Variants in METRNL observed in about 807,000 individuals in gnomAD.
METRNL encodes the protein meteorin like, glial cell differentiation regulator, also known as meteorin-like protein.
A neutral mutation model predicts 17.4 loss-of-function variants in METRNL; 9 were observed. The ratio of observed to expected loss-of-function variants is 0.52; its 90% CI spans 0.31 to 0.90. METRNL has a LOEUF of 0.90. Among genes scored for constraint, METRNL ranks in the 40% least tolerant of loss-of-function variants. The pLI is 0.05. For synonymous variants in METRNL, 215 were observed against 199.3 expected, an observed-to-expected ratio of 1.08 and a Z score of -0.66; for missense variants, 408 against 430.7, an observed-to-expected ratio of 0.95 and a Z score of 0.47.
intron 2 of METRNL, 26 bp from the exon 3 acceptor site, chr17:83,093,141 T>C: frequency 1.2e-6 from 2 of 1,603,430 alleles, no homozygotes; most frequent in Admixed American, 1.7e-5. Flanking sequence ...TCCAGGCTGC[T>C]TCCTGACTCT....
At position 83,089,779 on chromosome 17, in the gene METRNL, C is replaced by T. The variant is rs190802201; in HGVS notation, c.557-3388C>T. Among the ~76,000 whole-genome samples, 271 of 152,292 alleles carry T rather than the reference C, an allele frequency of 1.8e-3. 2 individuals are homozygous for T. The highest frequency in any genetic ancestry group is 7.2e-4 in the Non-Finnish European group (49 of 68,020). On this transcript the variant is annotated intron_variant, in intron 2 of 3. Coordinates refer to ENST00000320095, the MANE Select transcript of METRNL (RefSeq NM_001004431.3). ...CCACCGGCGTCCACCCTGCATTCTC[C>T]GTGAAGGTGACTTCTGCTTTGTAAA... is the stretch of plus-strand genomic sequence containing the variant.
intron 1 of METRNL, chr17:83,082,046 C>A: frequency 1.0e-6 from 1 of 984,490 alleles, no homozygotes; most frequent in Non-Finnish European, 1.2e-6. Flanking sequence ...TCGACGGCCT[C>A]TGTTGCTGGG....
intron 2 of METRNL, among the ~76,000 whole-genome samples, chr17:83,091,676 G>A (rs928309637): frequency 5.9e-5 from 9 of 152,236 alleles, no homozygotes; most frequent in African/African-American, 1.4e-4. Flanking sequence ...AAGGGCAGCC[G>A]GCCAGGGGTG....
chr17:83,089,062 A>C (rs1172617192), intron 2 of METRNL, among the ~76,000 whole-genome samples: 1 of 137,136 alleles, frequency 7.3e-6, no homozygotes, highest in Admixed American at 7.9e-5. Flanking sequence ...AAAGGGAGGC[A>C]GGGGGAAGGG....
intron 1 of METRNL, among the ~76,000 whole-genome samples, chr17:83,081,196 CCGGGAA>C (rs1233207473): frequency 6.6e-6 from 1 of 151,846 alleles, no homozygotes; most frequent in Non-Finnish European, 1.5e-5. Flanking sequence ...GGGGGGTCGG[CCGGGAA>C]CGCCGGCGCC....
chr17:83,085,192 A>G lies in METRNL; in HGVS notation c.425A>G (p.Gln142Arg), dbSNP rs75438321. ...GGGGACGGCAGGCCCGGCCGGGTGC[A>G]GTGTTTTGGCCTGGAGCAGGGCGGC... ...PDGDGRPGRVQCFGLEQGGLF... is the reference protein window; with the variant it reads ...PDGDGRPGRVRCFGLEQGGLF... The change falls in exon 2 of 4, where the codon CAG (glutamine) becomes CGG (arginine). Residue 142 changes from glutamine to arginine, a missense_variant. Coordinates refer to ENST00000320095, the MANE Select transcript of METRNL (RefSeq NM_001004431.3). The G allele has an allele frequency of 2.3e-3, 3,722 of 1,611,070 alleles. 78 individuals are homozygous for G. In the African/African-American group the frequency reaches 0.042, roughly 18 times the overall value.
At chr17:83,093,533 T>G (rs1453363425) in intron 3 of METRNL, among the ~76,000 whole-genome samples, 1 of 152,224 alleles carries the variant, frequency 6.6e-6, no homozygotes, top group Middle Eastern at 3.2e-3. Flanking sequence ...TCCCAGCAGC[T>G]CTTCTTGCTG....
At chr17:83,091,453 A>G (rs2038135530) in intron 2 of METRNL, among the ~76,000 whole-genome samples, 1 of 152,216 alleles carries the variant, frequency 6.6e-6, no homozygotes, top group East Asian at 1.9e-4. Flanking sequence ...TGCCCAGTGC[A>G]CCGTAGACTC....
rs1444254468 is a variant in METRNL at position 83,079,850 on chromosome 17, C to A, written c.35C>A (p.Ala12Glu). The A allele has an allele frequency of 2.1e-6, 2 of 965,914 alleles. No homozygotes were observed. The highest frequency in any genetic ancestry group is 2.5e-4 in the East Asian group (2 of 7,936). 59.8% of individuals were successfully genotyped at this position (965,914 alleles called of 1,614,324 possible). Residue 12 changes from alanine (A) to glutamate (E), a missense_variant, in exon 1 of 4, where the codon GCG (alanine) becomes GAG (glutamate). Physicochemically the swap from Ala to Glu is moderately radical, Grantham distance 107. Transcript: ENST00000320095. ...RGAARAAWGR[A>E]GQPWPRPPAP... ...GCGGCGCGGGCGGCCTGGGGGCGCG[C>A]GGGGCAGCCGTGGCCGCGACCCCCC... is the stretch of plus-strand genomic sequence containing the variant.
Position 83,093,149 on chromosome 17 carries a change from T to TCTGC in METRNL, c.557-15_557-12dup, listed in dbSNP as rs760557999. 18 of 1,605,702 alleles carry TCTGC rather than the reference T, an allele frequency of 1.1e-5. No individual in the cohort carries two copies. In the South Asian group the frequency reaches 2.0e-4, roughly 18 times the overall value. On this transcript the variant is annotated splice_polypyrimidine_tract_variant and intron_variant, in intron 2 of 3. Transcript: ENST00000320095. ...TGTCCCGTCCAGGCTGCTTCCTGACTCTGCCTTTCTTCTCCAGCGCCGTGC... is the reference window on the plus strand; with the variant it reads ...TGTCCCGTCCAGGCTGCTTCCTGACTCTGCCTGCCTTTCTTCTCCAGCGCCGTGC...
At chr17:83,082,114 C>G (rs951058081) in intron 1 of METRNL, 1 of 985,298 alleles carries the variant, frequency 1.0e-6, no homozygotes, top group South Asian at 4.7e-5. Context: ...TGGGGGGAGG[C>G]GGGACCAGCG....
chr17:83,079,898 C>CGCTCCCGCTGCT lies in METRNL; in HGVS notation c.89_100dup (p.Pro30_Leu33dup). ...CCCGCCCCGGGCCCGCCCCCGCCGCCGCTCCCGCTGCTGCTCCTGCTCCTG... is the reference window on the plus strand; with the variant it reads ...CCCGCCCCGGGCCCGCCCCCGCCGCCGCTCCCGCTGCTGCTCCCGCTGCTGCTCCTGCTCCTG... On this transcript the variant is annotated inframe_insertion, in exon 1 of 4. Coordinates refer to ENST00000320095, the MANE Select transcript of METRNL (RefSeq NM_001004431.3). 4.0e-6 allele frequency: 4 copies of CGCTCCCGCTGCT among 990,598 alleles called. No homozygotes were observed. The highest frequency in any genetic ancestry group is 4.8e-6 in the Non-Finnish European group (4 of 834,398). 61.4% of individuals were successfully genotyped at this position (990,598 alleles called of 1,614,324 possible). A position where few individuals can be genotyped will look rare whatever the true frequency, so the allele number is the denominator to read the frequency against.
chr17:83,089,399 C>T (rs1214152088), intron 2 of METRNL, among the ~76,000 whole-genome samples: 1 of 152,196 alleles, frequency 6.6e-6, no homozygotes, highest in African/African-American at 2.4e-5. Context: ...GCTGTCCTTA[C>T]CTGGGCAGTC....
At chr17:83,087,397 C>T (rs938084218) in intron 2 of METRNL, among the ~76,000 whole-genome samples, 3 of 152,104 alleles carry the variant, frequency 2.0e-5, no homozygotes, top group Admixed American at 1.3e-4. Flanking sequence ...CTGGGACCCA[C>T]GCCTGGCATC....
intron 3 of METRNL, 133 bp downstream of exon 3, chr17:83,093,359 C>T (rs1335114245): frequency 5.6e-6 from 4 of 718,776 alleles, no homozygotes; most frequent in Non-Finnish European, 9.2e-6. Context: ...TGGAGGGGCA[C>T]ACGCTGTGGA....
At chr17:83,085,383 G>A in intron 2 of METRNL, 60 bp downstream of exon 2, 2 of 1,500,428 alleles carry the variant, frequency 1.3e-6, no homozygotes, top group Non-Finnish European at 1.8e-6. Flanking sequence ...TGGTGATGTG[G>A]CAGGTGTCTC....
In METRNL at chr17:83,094,505, A is replaced by G. The variant is rs1391384929; in HGVS notation, c.866A>G (p.Lys289Arg). The change falls in exon 4 of 4, where the codon AAG becomes AGG. Residue 289 changes from lysine (K) to arginine (R), a missense_variant. Physicochemically the swap from Lys to Arg is conservative, Grantham distance 26. Coordinates refer to ENST00000320095, the MANE Select transcript of METRNL (RefSeq NM_001004431.3). The stretch of plus-strand genomic sequence containing the variant: ...CGGCTCGGCTGTGCCCCACGCTTCA[A>G]GGACTTCCAGAGGATGTACAGGGAT... Reference protein sequence around the residue: ...EARLGCAPRFKDFQRMYRDAQ... With the variant: ...EARLGCAPRFRDFQRMYRDAQ... 7.0e-6 allele frequency: 11 copies of G among 1,560,600 alleles called. No homozygotes were observed. The highest frequency in any genetic ancestry group is 1.3e-5 in the African/African-American group (1 of 74,220).
At position 83,089,458 on chromosome 17, in the gene METRNL, G is replaced by C. The variant is rs1360940002; in HGVS notation, c.557-3709G>C. 3.3e-5 allele frequency among the ~76,000 whole-genome samples: 5 copies of C among 152,108 alleles called. No homozygotes were observed. The East Asian group carries it at 9.6e-4, about 29-fold the overall frequency. On this transcript the variant is annotated intron_variant, in intron 2 of 3. Transcript: ENST00000320095. Reference sequence around the variant, plus strand: ...CATTCTCAGCCTCTCCTCGGAACCAGCCGGTCCTGCCTCTCTACTTAACAC... The same window carrying C: ...CATTCTCAGCCTCTCCTCGGAACCACCCGGTCCTGCCTCTCTACTTAACAC...
Position 83,079,770 on chromosome 17 carries a change from C to T in METRNL, c.-46C>T. The T allele has an allele frequency of 1.1e-6, 1 of 943,366 alleles. No individual in the cohort carries two copies. The highest frequency in any genetic ancestry group is 1.3e-6 in the Non-Finnish European group (1 of 797,384). The allele number at this position is 943,366 out of a possible 1,614,324, so 58.4% of individuals were successfully genotyped here. A position where few individuals can be genotyped will look rare whatever the true frequency, so the allele number is the denominator to read the frequency against. ...GGCTCGCCGGCTCCGGGGTCTGCTC[C>T]GGGGGTCGCGGACGCGGGGCCGGGC... On this transcript the variant is annotated 5_prime_UTR_variant, in exon 1 of 4. Coordinates refer to ENST00000320095, the MANE Select transcript of METRNL (RefSeq NM_001004431.3).
Sources: gnomAD v4.1 joint callset for allele counts (sites outside exome capture counted in the v4.1 genomes callset) on GRCh38, gnomAD v4.1.1 for gene constraint, MANE v1.5 for transcripts, NCBI Gene and HGNC (gene_info 2026-07-23, HGNC 2026-07-21) for gene names.